GAS7: variants seen among roughly 807,000 people sequenced by gnomAD.
The protein encoded by GAS7 is growth arrest-specific protein 7.
A neutral mutation model predicts 71.1 loss-of-function variants in GAS7; 28 were observed. The observed-to-expected ratio is 0.39, with a 90% CI of 0.29 to 0.54. The LOEUF (loss-of-function observed/expected upper bound fraction) is 0.54, where lower values mean the gene tolerates loss of function less well. Among genes scored for constraint, GAS7 ranks in the 20% least tolerant of loss-of-function variants. The probability of loss-of-function intolerance (pLI) is 0.62; values close to 1 mark genes in which losing one functional copy is unlikely to be tolerated. For missense variants in GAS7, 436 were observed against 627.8 expected (o/e 0.69, Z 3.27); for synonymous variants, 258 against 245.8 (o/e 1.05, Z -0.46).
chr17:10,006,248 G>A lies in GAS7; in HGVS notation c.304+13529C>T, dbSNP rs531851165. Among the ~76,000 whole-genome samples the A allele has an allele frequency of 1.0e-4, 15 of 145,604 alleles. No individual in the cohort carries two copies. The South Asian group carries it at 2.2e-3, about 22-fold the overall frequency. On this transcript the variant is annotated intron_variant, in intron 2 of 13. Transcript: ENST00000432992. ...TAGGTTCCTTGAAGGCAGGAATGCT[G>A]TTCATCTTGTCCGGATGCCAGGGTG...
chr17:9,990,699 A>G (rs538514037), intron 2 of GAS7, among the ~76,000 whole-genome samples: 2 of 152,302 alleles, frequency 1.3e-5, no homozygotes, highest in African/African-American at 4.8e-5. Context: ...GTGGCTGAAG[A>G]GGAATTGTGG....
intron 1 of GAS7, among the ~76,000 whole-genome samples, chr17:10,158,348 A>AACAAAAAAC (rs1555538253): frequency 2.4e-4 from 35 of 146,220 alleles, no homozygotes; most frequent in African/African-American, 5.0e-4. Flanking sequence ...AAAAAAAAAA[A>AACAAAAAAC]AAAAAAAAAA....
intron 1 of GAS7, among the ~76,000 whole-genome samples, chr17:10,158,336 T>TAAAAAAAAAAA (rs58514810): frequency 4.7e-4 from 39 of 83,398 alleles, no homozygotes; most frequent in African/African-American, 1.5e-3. Context: ...CTTTTTTTGG[T>TAAAAAAAAAAA]AAAAAAAAAA....
intron 1 of GAS7, among the ~76,000 whole-genome samples, chr17:10,053,644 G>C (rs2073094082): frequency 6.6e-6 from 1 of 152,102 alleles, no homozygotes; most frequent in African/African-American, 2.4e-5. Context: ...ACAGATGCAA[G>C]TGCTGAATCG....
intron 2 of GAS7, among the ~76,000 whole-genome samples, chr17:10,018,566 G>A (rs952205703): frequency 2.4e-4 from 36 of 152,162 alleles, no homozygotes; most frequent in African/African-American, 8.4e-4. Context: ...GATTAGAACG[G>A]TCAGAAATAG....
chr17:10,156,906 C>A (rs920312381), intron 1 of GAS7, among the ~76,000 whole-genome samples: 6 of 152,142 alleles, frequency 3.9e-5, no homozygotes, highest in Non-Finnish European at 8.8e-5. Flanking sequence ...GATCCCCCTC[C>A]AGGCACCCTC....
At chr17:10,158,932 A>C (rs2904903) in intron 1 of GAS7, among the ~76,000 whole-genome samples, 150,814 of 150,814 alleles carry the variant, frequency 1, 75,407 homozygotes, top group Non-Finnish European at 1. Flanking sequence ...TGGCATGCAC[A>C]TGTAGTCCCA....
rs1184701634 is a variant in GAS7, at chr17:9,915,022, A to C, written c.*2206T>G. ...ATTAGATCTTAGCACAATGGCTTTAACCTGCTTGATGAATGAATAACAGAG... is the reference window on the plus strand; with the variant it reads ...ATTAGATCTTAGCACAATGGCTTTACCCTGCTTGATGAATGAATAACAGAG... On this transcript the variant is annotated 3_prime_UTR_variant, in exon 14 of 14. Transcript: ENST00000432992. 4.3e-6 allele frequency: 1 copy of C among 231,844 alleles called. No individual in the cohort carries two copies. The highest frequency in any genetic ancestry group is 8.5e-6 in the Non-Finnish European group (1 of 117,254). The allele number at this position is 231,844 out of a possible 1,614,324, so 14.4% of individuals were successfully genotyped here. A position where few individuals can be genotyped will look rare whatever the true frequency, so the allele number is the denominator to read the frequency against.
At chr17:10,041,874 A>G (rs1186846071) in intron 1 of GAS7, among the ~76,000 whole-genome samples, 1 of 152,180 alleles carries the variant, frequency 6.6e-6, no homozygotes, top group Non-Finnish European at 1.5e-5. Flanking sequence ...CCTGAGTTCA[A>G]CGGCATCAGA....
intron 1 of GAS7, among the ~76,000 whole-genome samples, chr17:10,115,746 C>G (rs886678623): frequency 6.6e-6 from 1 of 152,202 alleles, no homozygotes; most frequent in Non-Finnish European, 1.5e-5. Context: ...TGGTCTCCCC[C>G]GCCCCTAGTC....
At chr17:10,185,072 C>T (rs765444534) in intron 1 of GAS7, among the ~76,000 whole-genome samples, 2 of 152,046 alleles carry the variant, frequency 1.3e-5, no homozygotes, top group South Asian at 2.1e-4. Context: ...GACTACGGCG[C>T]GTGCCACCAC....
In GAS7 at chr17:10,103,020, G is replaced by C. The variant is rs2073720125; in HGVS notation, c.184-83123C>G. Among the ~76,000 whole-genome samples the C allele has an allele frequency of 6.6e-6, 1 of 152,156 alleles. No individual in the cohort carries two copies. Among genetic ancestry groups the C allele is most frequent in the Admixed American group, 6.5e-5 (1 of 15,278 alleles). On this transcript the variant is annotated intron_variant, in intron 1 of 13. Coordinates refer to ENST00000432992, the MANE Select transcript of GAS7 (RefSeq NM_201433.2). This position sits in a 1 kb window ranked among gnomAD's most constrained non-coding sequence, Gnocchi z 5.5. ...CCAGGGAGGCACCAGCAGCATTCCT[G>C]TCGCCTAGAAGCTTGTTAGAAATGC...
At chr17:10,082,028 A>G (rs938812744) in intron 1 of GAS7, among the ~76,000 whole-genome samples, 2 of 152,240 alleles carry the variant, frequency 1.3e-5, no homozygotes, top group African/African-American at 2.4e-5. Flanking sequence ...GCCCATGCAC[A>G]TGCTAGAACA....
chr17:10,158,068 C>T (rs78624212), intron 1 of GAS7, among the ~76,000 whole-genome samples: 39,989 of 152,006 alleles, frequency 0.26, 5,437 homozygotes, highest in African/African-American at 0.3. Flanking sequence ...TGGAGTGCAG[C>T]GGCACAATCT....
chr17:10,168,988 A>G (rs2074315387), intron 1 of GAS7, among the ~76,000 whole-genome samples: 1 of 144,704 alleles, frequency 6.9e-6, no homozygotes, highest in South Asian at 2.2e-4. Context: ...AAAAAAAATT[A>G]GTAATTAGGC....
intron 1 of GAS7, among the ~76,000 whole-genome samples, chr17:10,189,788 AATT>A (rs1432534583): frequency 6.6e-6 from 1 of 152,008 alleles, no homozygotes; most frequent in Admixed American, 6.6e-5. Flanking sequence ...AAAATACAAA[AATT>A]AGCCGGCTGT....
intron 1 of GAS7, among the ~76,000 whole-genome samples, chr17:10,073,233 T>C (rs886830573): frequency 2.6e-5 from 4 of 151,994 alleles, no homozygotes; most frequent in Non-Finnish European, 4.4e-5. Context: ...AACAAGAAAA[T>C]GAGGGCAGAT....
intron 2 of GAS7, among the ~76,000 whole-genome samples, chr17:10,005,977 G>A (rs544978521): frequency 6.6e-6 from 1 of 152,166 alleles, no homozygotes; most frequent in African/African-American, 2.4e-5. Context: ...ACGAGTACTG[G>A]TTGATCTAAT....
intron 1 of GAS7, among the ~76,000 whole-genome samples, chr17:10,022,199 A>G (rs902125697): frequency 6.6e-6 from 1 of 152,160 alleles, no homozygotes; most frequent in African/African-American, 2.4e-5. Context: ...TGTTGCAGTG[A>G]GCTGTGATCG....
Sources: gnomAD v4.1 joint callset for allele counts (sites outside exome capture counted in the v4.1 genomes callset) on GRCh38, gnomAD v4.1.1 for gene constraint, Gnocchi (gnomAD v3.1) non-coding constraint, MANE v1.5 for transcripts, NCBI Gene and HGNC (gene_info 2026-07-23, HGNC 2026-07-21) for gene names.